The following LRMDA variants were observed in gnomAD, a reference collection of about 807,000 sequenced individuals.
LRMDA encodes the protein leucine-rich melanocyte differentiation-associated protein.
In LRMDA, 18 loss-of-function variants were observed where a neutral mutation model predicts 29.8. The observed-to-expected ratio is 0.60, with a 90% CI of 0.42 to 0.90. The LOEUF (loss-of-function observed/expected upper bound fraction) is 0.90, where lower values mean the gene tolerates loss of function less well. Ranked by LOEUF, LRMDA falls within the 40% of genes least tolerant of loss-of-function variation. The pLI, the probability that LRMDA is intolerant of heterozygous loss-of-function variation, is 0.00. For missense variants in LRMDA, 273 were observed against 273.9 expected, an observed-to-expected ratio of 1.00 and a Z score of 0.02; for synonymous variants, 125 against 109.4, an observed-to-expected ratio of 1.14 and a Z score of -0.89.
rs960918805 is a variant in LRMDA, at chr10:75,461,012, C to T, written c.131+22518C>T. ...TAACAAAAAAGGTTTCCCATGAAGC[C>T]CTCGTAAGGGAAAATAAATACCTAT... On this transcript the variant is annotated intron_variant, in intron 2 of 6. Transcript: ENST00000611255. Among the ~76,000 whole-genome samples the T allele has an allele frequency of 2.0e-5, 3 of 151,980 alleles. No homozygotes were observed. The East Asian group carries it at 5.8e-4, about 29-fold the overall frequency.
chr10:75,862,178 T>A (rs1485948269), intron 2 of LRMDA, among the ~76,000 whole-genome samples: 2 of 147,670 alleles, frequency 1.4e-5, no homozygotes, highest in South Asian at 2.2e-4. Context: ...AACCTTGGGT[T>A]CACACACACA....
chr10:75,619,542 G>GC, intron 2 of LRMDA, among the ~76,000 whole-genome samples: 1 of 152,272 alleles, frequency 6.6e-6, no homozygotes, highest in South Asian at 2.1e-4. Context: ...AGCCCCAAAG[G>GC]TTCTATTTTT....
intron 2 of LRMDA, among the ~76,000 whole-genome samples, chr10:75,690,421 C>T (rs1395438015): frequency 1.3e-5 from 2 of 152,186 alleles, no homozygotes; most frequent in Non-Finnish European, 2.9e-5. Context: ...CCTCCCATCT[C>T]AGCCTCCCAG....
chr10:76,262,559 A>G (rs1246112723), intron 5 of LRMDA, among the ~76,000 whole-genome samples: 1 of 152,204 alleles, frequency 6.6e-6, no homozygotes, highest in Admixed American at 6.5e-5. Flanking sequence ...CTGATCTCAA[A>G]TAACTCTCTG....
At chr10:76,213,288 C>T (rs907209851) in intron 5 of LRMDA, among the ~76,000 whole-genome samples, 2 of 152,142 alleles carry the variant, frequency 1.3e-5, no homozygotes, top group East Asian at 1.9e-4. Context: ...GGGGGGTGTA[C>T]CTTGACCACA....
chr10:75,832,650 A>G (rs1276463231), intron 2 of LRMDA, among the ~76,000 whole-genome samples: 1 of 152,220 alleles, frequency 6.6e-6, no homozygotes, highest in Non-Finnish European at 1.5e-5. Context: ...GCTGATAAAG[A>G]CATACCTGAG....
At chr10:76,424,806 C>T (rs1361515801) in intron 6 of LRMDA, among the ~76,000 whole-genome samples, 3 of 152,170 alleles carry the variant, frequency 2.0e-5, no homozygotes, top group African/African-American at 7.2e-5. Context: ...AAACAGTAGT[C>T]TTTTCACGGC....
At chr10:75,600,367 C>T (rs7092568) in intron 2 of LRMDA, among the ~76,000 whole-genome samples, 2 of 152,076 alleles carry the variant, frequency 1.3e-5, no homozygotes, top group African/African-American at 4.8e-5. Flanking sequence ...TTGGCCCTGT[C>T]CCCTAGGGAG....
intron 2 of LRMDA, among the ~76,000 whole-genome samples, chr10:75,555,220 C>T (rs184697808): frequency 2.5e-3 from 385 of 152,202 alleles, no homozygotes; most frequent in African/African-American, 8.8e-3. Context: ...AGGCAGCTAC[C>T]GGAAGGGGAG....
chr10:75,571,192 CTT>C (rs944084026), intron 2 of LRMDA, among the ~76,000 whole-genome samples: 5 of 152,150 alleles, frequency 3.3e-5, no homozygotes, highest in African/African-American at 1.2e-4. Context: ...TGGTTACTGA[CTT>C]AGTGTAGTAG....
At position 75,832,510 on chromosome 10, in the gene LRMDA, T is replaced by C. The variant is rs150028121; in HGVS notation, c.132-203498T>C. ...ACTTTCCCATATTTTCCTGTCTTCT[T>C]CTGAGCCCTCCAGACTGTTCCAACC... is the stretch of plus-strand genomic sequence containing the variant. On this transcript the variant is annotated intron_variant, in intron 2 of 6. Transcript: ENST00000611255. 9.7e-3 allele frequency among the ~76,000 whole-genome samples: 1,479 copies of C among 152,336 alleles called. 22 individuals carry two copies. Among genetic ancestry groups the C allele is most frequent in the African/African-American group, 0.034 (1,402 of 41,560 alleles).
At chr10:75,977,042 T>C (rs766347940) in intron 2 of LRMDA, among the ~76,000 whole-genome samples, 1 of 151,954 alleles carries the variant, frequency 6.6e-6, no homozygotes, top group Non-Finnish European at 1.5e-5. Context: ...CCCATAACCG[T>C]AAATGGGGTC....
intron 2 of LRMDA, among the ~76,000 whole-genome samples, chr10:75,526,582 G>A (rs1312473325): frequency 6.6e-6 from 1 of 151,998 alleles, no homozygotes; most frequent in African/African-American, 2.4e-5. Context: ...GCTAAGTGTG[G>A]TGGCTCACAC....
At chr10:76,510,314 AC>A (rs756740372) in intron 6 of LRMDA, among the ~76,000 whole-genome samples, 2 of 151,840 alleles carry the variant, frequency 1.3e-5, no homozygotes, top group African/African-American at 2.4e-5. Context: ...CAGGGAATCC[AC>A]CCACCTTGGC....
At position 76,002,814 on chromosome 10, in the gene LRMDA, T is replaced by G. The variant is rs546382473; in HGVS notation, c.132-33194T>G. 7.2e-5 allele frequency among the ~76,000 whole-genome samples: 11 copies of G among 152,136 alleles called. No homozygotes were observed. The East Asian group carries it at 1.9e-3, about 27-fold the overall frequency. On this transcript the variant is annotated intron_variant, in intron 2 of 6. Coordinates refer to ENST00000611255, the MANE Select transcript of LRMDA (RefSeq NM_001305581.2). Reference sequence around the variant, plus strand: ...TACATTTCTGGGAAGTCTCAGGCTTTCAGGGAACTCCTCAGGTTGTGCCAG... The same window carrying G: ...TACATTTCTGGGAAGTCTCAGGCTTGCAGGGAACTCCTCAGGTTGTGCCAG...
At chr10:75,539,784 T>C (rs1385737156) in intron 2 of LRMDA, among the ~76,000 whole-genome samples, 1 of 152,154 alleles carries the variant, frequency 6.6e-6, no homozygotes, top group Non-Finnish European at 1.5e-5. Context: ...TTGGCGATTT[T>C]CTCCCTCTGG....
chr10:75,972,589 T>G (rs952543403), intron 2 of LRMDA, among the ~76,000 whole-genome samples: 1 of 151,866 alleles, frequency 6.6e-6, no homozygotes, highest in Non-Finnish European at 1.5e-5. Context: ...AAGAAAAGAG[T>G]CGTTTCAGAG....
intron 6 of LRMDA, among the ~76,000 whole-genome samples, chr10:76,459,856 G>A (rs1030752161): frequency 2.0e-5 from 3 of 151,936 alleles, no homozygotes; most frequent in Admixed American, 6.6e-5. Context: ...CCCAGACATC[G>A]TCTCCAAAGG....
chr10:75,963,204 A>C (rs1357987492), intron 2 of LRMDA, among the ~76,000 whole-genome samples: 1 of 152,222 alleles, frequency 6.6e-6, no homozygotes, highest in Admixed American at 6.5e-5. Flanking sequence ...TGACATCCTG[A>C]TATCTAGGGT....
Sources: allele counts gnomAD v4.1 joint callset (sites outside exome capture counted in the v4.1 genomes callset), GRCh38; gene constraint gnomAD v4.1.1; transcripts MANE v1.5; gene names NCBI Gene and HGNC (gene_info 2026-07-23, HGNC 2026-07-21).